The following DHTKD1 variants were observed in gnomAD, a reference collection of about 807,000 sequenced individuals.
The protein encoded by DHTKD1 is 2-oxoadipate dehydrogenase complex component E1.
Under a neutral mutation model 101.8 loss-of-function variants are expected in DHTKD1, and 78 were observed. That is an observed-to-expected ratio of 0.77 (90% CI 0.64 to 0.93). The LOEUF (loss-of-function observed/expected upper bound fraction) is 0.93, where lower values mean the gene tolerates loss of function less well. Among genes scored for constraint, DHTKD1 ranks in the 40% least tolerant of loss-of-function variants. The pLI is 0.00. For missense variants in DHTKD1, 1,223 were observed against 1,161.7 expected (o/e 1.05, Z -0.77); for synonymous variants, 462 against 450.3 (o/e 1.03, Z -0.33).
At position 12,093,045 on chromosome 10, in the gene DHTKD1, A is replaced by ATT. The variant is rs34443347; in HGVS notation, c.1160-1014_1160-1013dup. Among the ~76,000 whole-genome samples, 255 of 138,578 alleles carry ATT rather than the reference A, an allele frequency of 1.8e-3. 4 individuals carry two copies. The South Asian group carries it at 0.023, about 12-fold the overall frequency. 90.9% of individuals were successfully genotyped at this position (138,578 alleles called of 152,430 possible). ...AGACACATGCCACCATGCACAGCTA[A>ATT]TTTTTTTTTTTTTTTGAGATGGAGT... On this transcript the variant is annotated intron_variant, in intron 6 of 16. Transcript: ENST00000263035.
At position 12,112,947 on chromosome 10, in the gene DHTKD1, G is replaced by C; in HGVS notation, c.2202G>C (p.Met734Ile). 6.2e-7 allele frequency: 1 copy of C among 1,613,624 alleles called. No individual in the cohort carries two copies. The highest frequency in any genetic ancestry group is 1.3e-5 in the African/African-American group (1 of 75,036). Residue 734 changes from methionine to isoleucine, a missense_variant, in exon 13 of 17, where the codon ATG (methionine) becomes ATC (isoleucine). Transcript: ENST00000263035. Reference sequence around the variant, plus strand: ...GGGTGGACGGAGACACTGTGAACATGTTTGTGGTTCACCCAACAACTCCTG... The same window carrying C: ...GGGTGGACGGAGACACTGTGAACATCTTTGTGGTTCACCCAACAACTCCTG... ...EEGVDGDTVN[M>I]FVVHPTTPAQ...
chr10:12,120,129 G>A, intron 15 of DHTKD1, 53 bp from the exon 16 acceptor site: 6 of 1,387,102 alleles, frequency 4.3e-6, no homozygotes, highest in Non-Finnish European at 6.1e-6. Context: ...AGTAAATTGG[G>A]GACCGTCTGC....
intron 12 of DHTKD1, among the ~76,000 whole-genome samples, chr10:12,111,045 CA>C (rs35420105): frequency 0.041 from 4,162 of 100,720 alleles, 177 homozygotes; most frequent in African/African-American, 0.15. Context: ...GACCCTGTCT[CA>C]AAAAAAAAAA....
At position 12,100,224 on chromosome 10, in the gene DHTKD1, C is replaced by G; in HGVS notation, c.1718C>G (p.Thr573Ser). 1.3e-6 allele frequency: 2 copies of G among 1,586,814 alleles called. No homozygotes were observed. Among genetic ancestry groups the G allele is most frequent in the Non-Finnish European group, 1.7e-6 (2 of 1,166,086 alleles). Residue 573 changes from threonine (T) to serine (S), a missense_variant, in exon 9 of 17, where the codon ACC (threonine) becomes AGC (serine). Transcript: ENST00000263035. ...GACGGAATCAAGCTAGACTGGGCCA[C>G]CGCGGAAGCTCTTGCCTTGGGTTCT... ...MMDGIKLDWA[T>S]AEALALGSLL...
Position 12,087,775 on chromosome 10 carries a change from G to T in DHTKD1, c.717+46G>T, listed in dbSNP as rs746015890. On this transcript the variant is annotated intron_variant, in intron 4 of 16. Coordinates refer to ENST00000263035, the MANE Select transcript of DHTKD1 (RefSeq NM_018706.7). This position sits in a 1 kb window ranked among gnomAD's most constrained non-coding sequence, Gnocchi z 5.2. Reference sequence around the variant, plus strand: ...TCTCAGTAGCACTATATGATTGATTGTAACAGAATAAAACTGCTGGTTTCA... The same window carrying T: ...TCTCAGTAGCACTATATGATTGATTTTAACAGAATAAAACTGCTGGTTTCA... The T allele has an allele frequency of 2.1e-6, 3 of 1,460,610 alleles. No homozygotes were observed. The highest frequency in any genetic ancestry group is 4.8e-5 in the East Asian group (2 of 41,544). 90.5% of individuals were successfully genotyped at this position (1,460,610 alleles called of 1,614,324 possible). A position where few individuals can be genotyped will look rare whatever the true frequency, so the allele number is the denominator to read the frequency against.
At chr10:12,069,264 TCGGGG>T in intron 1 of DHTKD1, 77 bp downstream of exon 1, 4 of 1,014,036 alleles carry the variant, frequency 3.9e-6, no homozygotes, top group Non-Finnish European at 3.8e-6. Flanking sequence ...CGGTGGGGTG[TCGGGG>T]TCGGGGAACC....
rs55809304 is a variant in DHTKD1, at chr10:12,103,491, C to CTGTGTGTGTGTGTGTGTGTGTG, written c.1896+2326_1896+2347dup. 6.9e-6 allele frequency among the ~76,000 whole-genome samples: 1 copy of CTGTGTGTGTGTGTGTGTGTGTG among 144,890 alleles called. No individual in the cohort carries two copies. Among genetic ancestry groups the CTGTGTGTGTGTGTGTGTGTGTG allele is most frequent in the Non-Finnish European group, 1.5e-5 (1 of 66,202 alleles). On this transcript the variant is annotated intron_variant, in intron 10 of 16. Coordinates refer to ENST00000263035, the MANE Select transcript of DHTKD1 (RefSeq NM_018706.7). This position sits in a 1 kb window ranked among gnomAD's most constrained non-coding sequence, Gnocchi z 4.8. Reference sequence around the variant, plus strand: ...CCCCAACTTCGTTGTACATCTCAATCTGTGTGTGTGTGTGTGTGTGTGTGT... The same window carrying CTGTGTGTGTGTGTGTGTGTGTG: ...CCCCAACTTCGTTGTACATCTCAATCTGTGTGTGTGTGTGTGTGTGTGTGTGTGTGTGTGTGTGTGTGTGTGT...
In DHTKD1 at chr10:12,100,217, T is replaced by C. The variant is rs766464907; in HGVS notation, c.1711T>C (p.Trp571Arg). Reference sequence around the variant, plus strand: ...GATGATGGACGGAATCAAGCTAGACTGGGCCACCGCGGAAGCTCTTGCCTT... The same window carrying C: ...GATGATGGACGGAATCAAGCTAGACCGGGCCACCGCGGAAGCTCTTGCCTT... Reference protein sequence around the residue: ...EKMMDGIKLDWATAEALALGS... With the variant: ...EKMMDGIKLDRATAEALALGS... Residue 571 changes from tryptophan to arginine, a missense_variant, in exon 9 of 17, where the codon TGG becomes CGG. By Grantham distance (101) the Trp-to-Arg change is moderately radical. Transcript: ENST00000263035. The C allele has an allele frequency of 3.0e-5, 48 of 1,597,526 alleles. No individual in the cohort carries two copies. The highest frequency in any genetic ancestry group is 4.0e-5 in the Non-Finnish European group (47 of 1,172,194).
chr10:12,101,651 T>G (rs1833173297), intron 10 of DHTKD1, among the ~76,000 whole-genome samples: 1 of 152,206 alleles, frequency 6.6e-6, no homozygotes, highest in African/African-American at 2.4e-5. Flanking sequence ...TTGCCCAGGC[T>G]GGAGTGCAGT....
chr10:12,080,378 T>C (rs1171724386), intron 1 of DHTKD1, among the ~76,000 whole-genome samples: 1 of 151,898 alleles, frequency 6.6e-6, no homozygotes, highest in Non-Finnish European at 1.5e-5. Flanking sequence ...TCTGAAATCA[T>C]TCCACAGCAA....
chr10:12,120,939 G>A lies in DHTKD1; in HGVS notation c.*51G>A, dbSNP rs764919928. ...TCTCTTTAAGAAAATGGCCATTAAG[G>A]CCGGGTGGGGTGGCACATGCCTGTA... On this transcript the variant is annotated 3_prime_UTR_variant, in exon 17 of 17. Coordinates refer to ENST00000263035, the MANE Select transcript of DHTKD1 (RefSeq NM_018706.7). 5.8e-6 allele frequency: 9 copies of A among 1,555,534 alleles called. No homozygotes were observed. Among genetic ancestry groups the A allele is most frequent in the South Asian group, 5.6e-5 (5 of 89,278 alleles).
intron 14 of DHTKD1, among the ~76,000 whole-genome samples, chr10:12,118,442 G>A (rs1015478370): frequency 6.6e-6 from 1 of 150,760 alleles, no homozygotes; most frequent in African/African-American, 2.4e-5. Context: ...GAGTGCAGTG[G>A]CACGATCTTG....
At chr10:12,079,713 A>G (rs963208178) in intron 1 of DHTKD1, among the ~76,000 whole-genome samples, 1 of 152,184 alleles carries the variant, frequency 6.6e-6, no homozygotes, top group Non-Finnish European at 1.5e-5. Flanking sequence ...CCACAGGGAC[A>G]TGCTTTAGAC....
chr10:12,109,470 A>T (rs1364464442), intron 12 of DHTKD1, among the ~76,000 whole-genome samples: 1 of 151,116 alleles, frequency 6.6e-6, no homozygotes, highest in East Asian at 1.9e-4. Context: ...CAGCCACTAG[A>T]TGACATTGAC....
intron 1 of DHTKD1, among the ~76,000 whole-genome samples, chr10:12,070,718 A>T (rs10466279): frequency 6.6e-6 from 1 of 152,058 alleles, no homozygotes; most frequent in Admixed American, 6.6e-5. Flanking sequence ...TGAACTCCCG[A>T]CCTGAAGTGA....
intron 10 of DHTKD1, among the ~76,000 whole-genome samples, chr10:12,105,817 C>T (rs762920226): frequency 8.6e-5 from 13 of 151,980 alleles, no homozygotes; most frequent in African/African-American, 1.9e-4. Flanking sequence ...GTGATGAGGC[C>T]GGGCGTGGTG....
intron 12 of DHTKD1, 120 bp downstream of exon 12, chr10:12,108,135 A>G (rs1427011514): frequency 7.7e-6 from 5 of 648,090 alleles, no homozygotes; most frequent in Admixed American, 6.1e-5. Context: ...TGAGTGAAAC[A>G]GATTTGATGC....
intron 3 of DHTKD1, among the ~76,000 whole-genome samples, chr10:12,085,038 T>C (rs1183862830): frequency 6.8e-6 from 1 of 146,286 alleles, no homozygotes; most frequent in African/African-American, 2.5e-5. Context: ...GTAACAAGAG[T>C]GAAACACCTT....
At chr10:12,081,957 C>G (rs185638811) in intron 2 of DHTKD1, among the ~76,000 whole-genome samples, 1 of 144,766 alleles carries the variant, frequency 6.9e-6, no homozygotes, top group African/African-American at 2.6e-5. Context: ...GAGACTGTCT[C>G]TACAAAAAAA....
Sources: gnomAD v4.1 joint callset for allele counts (sites outside exome capture counted in the v4.1 genomes callset) on GRCh38, gnomAD v4.1.1 for gene constraint, Gnocchi (gnomAD v3.1) non-coding constraint, MANE v1.5 for transcripts, NCBI Gene and HGNC (gene_info 2026-07-23, HGNC 2026-07-21) for gene names.